BARD1: variants seen among roughly 807,000 people sequenced by gnomAD.
BARD1 encodes BRCA1-associated RING domain protein 1.
Under a neutral mutation model 77.0 loss-of-function variants are expected in BARD1, and 73 were observed. The observed-to-expected ratio is 0.95, with a 90% CI of 0.79 to 1.15. The LOEUF (loss-of-function observed/expected upper bound fraction) is 1.15, where lower values mean the gene tolerates loss of function less well. BARD1 is among the 50% of genes most tolerant of loss of function. The probability of loss-of-function intolerance (pLI) is 0.00; values close to 1 mark genes in which losing one functional copy is unlikely to be tolerated. For synonymous variants in BARD1, 384 were observed against 338.0 expected (o/e 1.14, Z -1.49); for missense variants, 993 against 938.8 (o/e 1.06, Z -0.75).
At chr2:214,785,703 A>G (rs1695240864) in intron 3 of BARD1, among the ~76,000 whole-genome samples, 1 of 151,254 alleles carries the variant, frequency 6.6e-6, no homozygotes, top group African/African-American at 2.4e-5. Flanking sequence ...GCAAAAGGTA[A>G]TTTCAGGCCC....
At position 214,745,096 on chromosome 2, in the gene BARD1, A is replaced by C. The variant is rs1217702482; in HGVS notation, c.1874T>G (p.Leu625Arg). 6.2e-7 allele frequency: 1 copy of C among 1,614,060 alleles called. No individual in the cohort carries two copies. Among genetic ancestry groups the C allele is most frequent in the Admixed American group, 1.7e-5 (1 of 60,032 alleles). ...AAATTTTAGAATCCAGCATCCATTG[A>C]GAATCCCAAGCATACACTTCAAGGT... is the stretch of plus-strand genomic sequence containing the variant. ...QSTLKCMLGI[L>R]NGCWILKFEW... The change falls in exon 9 of 11, where the codon CTC (leucine) becomes CGC (arginine). Residue 625 changes from leucine (L) to arginine (R), a missense_variant. Physicochemically the swap from Leu to Arg is moderately radical, Grantham distance 102. Coordinates refer to ENST00000260947, the MANE Select transcript of BARD1 (RefSeq NM_000465.4).
At chr2:214,806,455 C>T (rs1054862117) in intron 1 of BARD1, among the ~76,000 whole-genome samples, 3 of 152,184 alleles carry the variant, frequency 2.0e-5, no homozygotes, top group African/African-American at 7.2e-5. Context: ...AGGGCAAAGG[C>T]AGAGGTAGGA....
At chr2:214,750,507 T>C in intron 7 of BARD1, among the ~76,000 whole-genome samples, 1 of 152,204 alleles carries the variant, frequency 6.6e-6, no homozygotes, top group Non-Finnish European at 1.5e-5. Context: ...TGAGCAGCTG[T>C]TCCTTAGATT....
chr2:214,768,617 A>C (rs1316397599), intron 5 of BARD1, among the ~76,000 whole-genome samples: 1 of 152,152 alleles, frequency 6.6e-6, no homozygotes, highest in Admixed American at 6.5e-5. Flanking sequence ...ATTTGCTGAC[A>C]CTTCTGTGGC....
intron 6 of BARD1, among the ~76,000 whole-genome samples, chr2:214,759,818 A>C (rs10197868): frequency 1.3e-5 from 2 of 151,994 alleles, no homozygotes; most frequent in South Asian, 4.1e-4. Context: ...AGCTCATTTA[A>C]TTTAAAATTA....
At chr2:214,774,664 C>G (rs1400501755) in intron 4 of BARD1, among the ~76,000 whole-genome samples, 1 of 152,206 alleles carries the variant, frequency 6.6e-6, no homozygotes, top group Non-Finnish European at 1.5e-5. Context: ...TAGCCCCTAA[C>G]AAGAAAGCCT....
At chr2:214,798,694 A>G (rs1198132206) in intron 1 of BARD1, among the ~76,000 whole-genome samples, 1 of 151,378 alleles carries the variant, frequency 6.6e-6, no homozygotes, top group Non-Finnish European at 1.5e-5. Context: ...CATGGATGCC[A>G]ATCTATAATG....
Position 214,766,047 on chromosome 2 carries a change from G to A in BARD1, c.1568+1435C>T, listed in dbSNP as rs141502685. ...TTTTCAAACCTATAGAAGCAACAAG[G>A]GCAGAGACGCAATACCTGCATTTTC... On this transcript the variant is annotated intron_variant, in intron 6 of 10. Transcript: ENST00000260947. 3.9e-3 allele frequency among the ~76,000 whole-genome samples: 596 copies of A among 152,102 alleles called. 3 individuals carry two copies. The highest frequency in any genetic ancestry group is 0.013 in the African/African-American group (556 of 41,494).
At chr2:214,762,520 CT>C (rs1239101662) in intron 6 of BARD1, among the ~76,000 whole-genome samples, 1 of 152,160 alleles carries the variant, frequency 6.6e-6, no homozygotes, top group African/African-American at 2.4e-5. Flanking sequence ...GTCCTGATTA[CT>C]TTTTAGAAGC....
In BARD1 at chr2:214,728,636, C is replaced by A; in HGVS notation, c.*40G>T. ...AGTACAATGACTGGGCTCTCACAAA[C>A]CGTGCAAATTCAATTTGAAATGTTC... On this transcript the variant is annotated 3_prime_UTR_variant, in exon 11 of 11. Coordinates refer to ENST00000260947, the MANE Select transcript of BARD1 (RefSeq NM_000465.4). The A allele has an allele frequency of 6.3e-7, 1 of 1,598,356 alleles. No homozygotes were observed. Among genetic ancestry groups the A allele is most frequent in the African/African-American group, 1.3e-5 (1 of 74,204 alleles).
At position 214,733,172 on chromosome 2, in the gene BARD1, C is replaced by T. The variant is rs537084300; in HGVS notation, c.1904-2664G>A. 2.0e-5 allele frequency among the ~76,000 whole-genome samples: 3 copies of T among 152,262 alleles called. No individual in the cohort carries two copies. In the East Asian group the frequency reaches 5.8e-4, roughly 29 times the overall value. ...AACCACTTCCTAAAGCAACAGACTT[C>T]CACTTCGGCGCTCTTCCTATATCAT... On this transcript the variant is annotated intron_variant, in intron 9 of 10. Coordinates refer to ENST00000260947, the MANE Select transcript of BARD1 (RefSeq NM_000465.4).
chr2:214,773,293 A>C (rs1401196932), intron 4 of BARD1, among the ~76,000 whole-genome samples: 2 of 152,238 alleles, frequency 1.3e-5, no homozygotes, highest in Admixed American at 6.5e-5. Context: ...AGTATAAGAC[A>C]AATGACTTGC....
intron 9 of BARD1, among the ~76,000 whole-genome samples, chr2:214,735,183 G>T (rs1204673429): frequency 6.6e-6 from 1 of 152,074 alleles, no homozygotes; most frequent in Non-Finnish European, 1.5e-5. Flanking sequence ...TTCCCTGAAA[G>T]GCACATCACC....
intron 6 of BARD1, among the ~76,000 whole-genome samples, chr2:214,754,429 A>G (rs1227277248): frequency 6.6e-6 from 1 of 151,906 alleles, no homozygotes; most frequent in Non-Finnish European, 1.5e-5. Context: ...TCAAAAAAAT[A>G]AAATCTAAGA....
In BARD1 at chr2:214,726,957, AG is replaced by A. The variant is rs1420036643; in HGVS notation, c.*1718del. 9.1e-6 allele frequency: 2 copies of A among 220,118 alleles called. No homozygotes were observed. Among genetic ancestry groups the A allele is most frequent in the African/African-American group, 5.0e-5 (2 of 39,756 alleles). 13.6% of individuals were successfully genotyped at this position (220,118 alleles called of 1,614,324 possible). A position where few individuals can be genotyped will look rare whatever the true frequency, so the allele number is the denominator to read the frequency against. ...AAACCTGTCTAAAATGTGACCTATG[AG>A]GCAACAGAAAGTGACTTAAAGTCTG... On this transcript the variant is annotated 3_prime_UTR_variant, in exon 11 of 11. Coordinates refer to ENST00000260947, the MANE Select transcript of BARD1 (RefSeq NM_000465.4).
chr2:214,755,276 T>C (rs1243800960), intron 6 of BARD1, among the ~76,000 whole-genome samples: 1 of 152,206 alleles, frequency 6.6e-6, no homozygotes, highest in East Asian at 1.9e-4. Flanking sequence ...TTAGATTTAC[T>C]ACATCATGGA....
At chr2:214,736,694 G>C (rs550169758) in intron 9 of BARD1, among the ~76,000 whole-genome samples, 2 of 151,870 alleles carry the variant, frequency 1.3e-5, no homozygotes, top group African/African-American at 4.9e-5. Flanking sequence ...AGATACTACA[G>C]TCCAGTAAGT....
chr2:214,808,829 T>C (rs1301788166), intron 1 of BARD1, among the ~76,000 whole-genome samples: 2 of 152,216 alleles, frequency 1.3e-5, no homozygotes, highest in South Asian at 4.1e-4. Context: ...ATACAGTCTT[T>C]TGAGCAAACT....
At chr2:214,771,601 G>A (rs755211245) in intron 4 of BARD1, among the ~76,000 whole-genome samples, 4 of 151,714 alleles carry the variant, frequency 2.6e-5, no homozygotes, top group East Asian at 3.9e-4. Flanking sequence ...GGTGGTACAC[G>A]CCTGTAATCC....
Sources: allele counts gnomAD v4.1 joint callset (sites outside exome capture counted in the v4.1 genomes callset), GRCh38; gene constraint gnomAD v4.1.1; transcripts MANE v1.5; gene names NCBI Gene and HGNC (gene_info 2026-07-23, HGNC 2026-07-21).